SLC35F4: variants seen among roughly 807,000 people sequenced by gnomAD.
SLC35F4 encodes chromosome 14 open reading frame 36.
Under a neutral mutation model 44.2 loss-of-function variants are expected in SLC35F4, and 24 were observed. The observed-to-expected ratio is 0.54, with a 90% CI of 0.39 to 0.76. The LOEUF (loss-of-function observed/expected upper bound fraction) is 0.76. Among genes scored for constraint, SLC35F4 ranks in the 30% least tolerant of loss-of-function variants. The pLI is 0.00. For synonymous variants in SLC35F4, 238 were observed against 223.6 expected (o/e 1.06, Z -0.57); for missense variants, 562 against 586.1 (o/e 0.96, Z 0.42).
At chr14:57,645,904 C>T (rs944417024) in intron 1 of SLC35F4, among the ~76,000 whole-genome samples, 36 of 151,870 alleles carry the variant, frequency 2.4e-4, no homozygotes, top group Middle Eastern at 3.4e-3. Flanking sequence ...TCTTTGGTTC[C>T]GTTTATATGC....
At chr14:57,900,500 A>G (rs112204300) in intron 1 of SLC35F4, among the ~76,000 whole-genome samples, 4,209 of 152,306 alleles carry the variant, frequency 0.028, 205 homozygotes, top group African/African-American at 0.095. Context: ...CTCTCTTTCT[A>G]GAAGAGAGAC....
rs150800434 is a variant in SLC35F4, at chr14:57,728,139, C to G, written c.104-134015G>C. ...GACCCCTTTAACATTATATCATGAC[C>G]TTTTTTGTCTCTTCTTACAGTTTTT... On this transcript the variant is annotated intron_variant, in intron 1 of 7. Transcript: ENST00000556826. Among the ~76,000 whole-genome samples, 621 of 152,136 alleles carry G rather than the reference C, an allele frequency of 4.1e-3. 1 individual carries two copies. Among genetic ancestry groups the G allele is most frequent in the Non-Finnish European group, 6.5e-3 (440 of 67,970 alleles).
chr14:57,734,779 ACT>A (rs2076424488), intron 1 of SLC35F4, among the ~76,000 whole-genome samples: 1 of 152,136 alleles, frequency 6.6e-6, no homozygotes, highest in African/African-American at 2.4e-5. Flanking sequence ...ATTCTTAATT[ACT>A]CTTTCTCTCA....
intron 1 of SLC35F4, among the ~76,000 whole-genome samples, chr14:57,836,382 TC>T (rs1884924375): frequency 6.6e-6 from 1 of 152,190 alleles, no homozygotes; most frequent in South Asian, 2.1e-4. Flanking sequence ...AACCTCCGAC[TC>T]CCTGGTTCAA....
At chr14:57,745,083 C>T (rs1247042240) in intron 1 of SLC35F4, among the ~76,000 whole-genome samples, 3 of 152,198 alleles carry the variant, frequency 2.0e-5, no homozygotes, top group Non-Finnish European at 4.4e-5. Context: ...AAAATTAATT[C>T]AAGGTGGATT....
chr14:57,729,928 G>A (rs560266031), intron 1 of SLC35F4, among the ~76,000 whole-genome samples: 5 of 152,300 alleles, frequency 3.3e-5, no homozygotes, highest in Admixed American at 1.3e-4. Context: ...TGGTCAAAAT[G>A]TTCCCTTCAT....
chr14:57,943,554 C>T (rs1889953543), intron 1 of SLC35F4, among the ~76,000 whole-genome samples: 1 of 152,212 alleles, frequency 6.6e-6, no homozygotes, highest in Non-Finnish European at 1.5e-5. Flanking sequence ...GTACAACGCA[C>T]ACGCCAGTGA....
At chr14:57,935,402 AG>A (rs1889778214) in intron 1 of SLC35F4, among the ~76,000 whole-genome samples, 2 of 152,290 alleles carry the variant, frequency 1.3e-5, no homozygotes, top group East Asian at 3.9e-4. Flanking sequence ...GTGCCTAAAA[AG>A]GGTAAGTAGT....
chr14:57,914,302 G>A (rs1457555218), intron 1 of SLC35F4, among the ~76,000 whole-genome samples: 1 of 152,128 alleles, frequency 6.6e-6, no homozygotes, highest in Admixed American at 6.6e-5. Context: ...GGTGGCTCAC[G>A]CCTGTAATCC....
intron 1 of SLC35F4, among the ~76,000 whole-genome samples, chr14:57,669,343 C>T (rs1476317206): frequency 2.0e-5 from 3 of 151,826 alleles, no homozygotes; most frequent in Non-Finnish European, 4.4e-5. Flanking sequence ...GCCTGATTGC[C>T]CTGACCAGAA....
chr14:57,850,372 T>G (rs1046884170), intron 1 of SLC35F4, among the ~76,000 whole-genome samples: 1 of 152,182 alleles, frequency 6.6e-6, no homozygotes, highest in Non-Finnish European at 1.5e-5. Context: ...AAAAGTCAAC[T>G]CCATTAGAGC....
intron 1 of SLC35F4, among the ~76,000 whole-genome samples, chr14:57,844,314 G>A (rs1885787395): frequency 6.6e-6 from 1 of 152,136 alleles, no homozygotes; most frequent in Admixed American, 6.6e-5. Flanking sequence ...TGTGATAGAG[G>A]TCTTAATAAA....
chr14:57,635,952 A>G (rs1350011237), intron 1 of SLC35F4, among the ~76,000 whole-genome samples: 3 of 152,148 alleles, frequency 2.0e-5, no homozygotes, highest in Non-Finnish European at 4.4e-5. Context: ...TTAACTCATA[A>G]CTTCCTGGCT....
rs534306931 is a variant in SLC35F4, at chr14:57,948,640, G to A, written n.282+33273C>T. Among the ~76,000 whole-genome samples the A allele has an allele frequency of 4.0e-5, 6 of 151,858 alleles. No homozygotes were observed. In the East Asian group the frequency reaches 1.2e-3, roughly 29 times the overall value. On this transcript the variant is annotated intron_variant and non_coding_transcript_variant, in intron 1 of 1. Transcript: ENST00000556568. The stretch of plus-strand genomic sequence containing the variant: ...GTGTGACCTTAGATTGTCTATTTTT[G>A]CTCTGTCAGACTTTTTGATGTAGGC...
At chr14:57,620,439 T>A (rs1262520768) in intron 1 of SLC35F4, among the ~76,000 whole-genome samples, 1 of 152,198 alleles carries the variant, frequency 6.6e-6, no homozygotes, top group Non-Finnish European at 1.5e-5. Context: ...CCAGCCAAAC[T>A]AAGCTTCATA....
upstream of SLC35F4, among the ~76,000 whole-genome samples, chr14:57,868,526 A>G (rs1316658834): frequency 1.3e-5 from 2 of 150,594 alleles, no homozygotes; most frequent in South Asian, 4.2e-4. Context: ...CCCAGGCTGG[A>G]GTGCAATGGT....
chr14:57,976,328 G>A (rs1015505214), downstream of SLC35F4, among the ~76,000 whole-genome samples: 1 of 152,154 alleles, frequency 6.6e-6, no homozygotes, highest in Non-Finnish European at 1.5e-5. Context: ...GCAGGGGGAG[G>A]CCAGATGATA....
intron 1 of SLC35F4, among the ~76,000 whole-genome samples, chr14:57,909,499 C>T (rs896773067): frequency 6.6e-5 from 10 of 151,710 alleles, no homozygotes; most frequent in African/African-American, 1.9e-4. Flanking sequence ...CCTATCTCCA[C>T]GGTGTTGCCT....
At chr14:57,744,772 C>T (rs1359973261) in intron 1 of SLC35F4, among the ~76,000 whole-genome samples, 4 of 152,094 alleles carry the variant, frequency 2.6e-5, no homozygotes, top group Non-Finnish European at 5.9e-5. Flanking sequence ...AAAAAAGGCC[C>T]ACATTGCCAA....
Sources: gnomAD v4.1 joint callset for allele counts (sites outside exome capture counted in the v4.1 genomes callset) on GRCh38, gnomAD v4.1.1 for gene constraint, MANE v1.5 for transcripts, NCBI Gene and HGNC (gene_info 2026-07-23, HGNC 2026-07-21) for gene names.